Variants in LAMA4 observed in about 807,000 individuals in gnomAD.
LAMA4 encodes laminin subunit alpha 4, also known as laminin subunit alpha-4.
In LAMA4, 127 loss-of-function variants were observed where a neutral mutation model predicts 207.1. The observed-to-expected ratio is 0.61, with a 90% confidence interval of 0.53 to 0.71. The LOEUF (loss-of-function observed/expected upper bound fraction) is 0.71, where lower values mean the gene tolerates loss of function less well. Ranked by LOEUF, LAMA4 falls within the 30% of genes least tolerant of loss-of-function variation. The pLI is 0.00. For synonymous variants in LAMA4, 761 were observed against 816.0 expected, an observed-to-expected ratio of 0.93 and a Z score of 1.15; for missense variants, 2,093 against 2,246.5, an observed-to-expected ratio of 0.93 and a Z score of 1.38.
rs1554331456 is a variant in LAMA4, at chr6:112,136,159, T to A, written c.3378A>T (p.Leu1126Phe). The A allele has an allele frequency of 6.2e-7, 1 of 1,613,172 alleles. No homozygotes were observed. Among genetic ancestry groups the A allele is most frequent in the Admixed American group, 1.7e-5 (1 of 60,008 alleles). The change falls in exon 25 of 39, where the codon TTA becomes TTT. Residue 1126 changes from leucine (L) to phenylalanine (F), a missense_variant. Physicochemically the swap from Leu to Phe is conservative, Grantham distance 22 (BLOSUM62 0). Transcript: ENST00000230538. The stretch of plus-strand genomic sequence containing the variant: ...TTGCATCATTAATTTGAGCTTTCTT[T>A]AACGTATCTTCAAGATGCACAGGGC... ...SGGPVHLEDT[L>F]KKAQINDAKY...
At chr6:112,139,935 C>G in intron 22 of LAMA4, 50 bp from the exon 23 acceptor site, 1 of 1,575,820 alleles carries the variant, frequency 6.3e-7, no homozygotes, top group South Asian at 1.1e-5. Context: ...ATATTTTACT[C>G]AGACATCACA....
intron 5 of LAMA4, among the ~76,000 whole-genome samples, chr6:112,195,236 T>TA (rs202132834): frequency 1.2e-4 from 18 of 150,866 alleles, no homozygotes; most frequent in Middle Eastern, 3.2e-3. Context: ...TAAAATGACA[T>TA]AAAAAAAAAG....
chr6:112,121,390 T>G (rs587707632), intron 32 of LAMA4, among the ~76,000 whole-genome samples: 83 of 152,308 alleles, frequency 5.4e-4, no homozygotes, highest in Admixed American at 5.2e-4. Context: ...TTCTGCCTAT[T>G]AGGCAGGTAG....
chr6:112,117,319 T>G lies in LAMA4; in HGVS notation c.4981+420A>C, dbSNP rs587643885. Among the ~76,000 whole-genome samples the G allele has an allele frequency of 2.6e-5, 4 of 152,216 alleles. No individual in the cohort carries two copies. The highest frequency in any genetic ancestry group is 9.6e-5 in the African/African-American group (4 of 41,540). The stretch of plus-strand genomic sequence containing the variant: ...AATAATAAAAAGCCAGAAATAAAAA[T>G]TTCTGAAGGATAACGTTGTCTGCTG... On this transcript the variant is annotated intron_variant, in intron 35 of 38. Transcript: ENST00000230538. This position sits in a 1 kb window ranked among gnomAD's most constrained non-coding sequence, Gnocchi z 4.5.
At position 112,145,256 on chromosome 6, in the gene LAMA4, T is replaced by C. The variant is rs112286391; in HGVS notation, c.2354-323A>G. ...ATGTATAACTGCCCTGCCGATGCCA[T>C]GCACAGGATGCGTGCTCTTGCGCCC... On this transcript the variant is annotated intron_variant, in intron 18 of 38. Transcript: ENST00000230538. 0.018 allele frequency among the ~76,000 whole-genome samples: 2,788 copies of C among 152,336 alleles called. 101 individuals are homozygous for C. The highest frequency in any genetic ancestry group is 0.064 in the African/African-American group (2,681 of 41,572).
chr6:112,164,787 G>A (rs1379947493), intron 13 of LAMA4, among the ~76,000 whole-genome samples: 2 of 152,102 alleles, frequency 1.3e-5, no homozygotes, highest in Admixed American at 6.5e-5. Flanking sequence ...AGGATGGATC[G>A]AGAGCAGCAT....
In LAMA4 at chr6:112,150,837, A is replaced by G. The variant is rs116565503; in HGVS notation, c.2057-210T>C. Among the ~76,000 whole-genome samples, 975 of 152,320 alleles carry G rather than the reference A, an allele frequency of 6.4e-3. 11 individuals carry two copies. Among genetic ancestry groups the G allele is most frequent in the African/African-American group, 0.022 (921 of 41,578 alleles). ...CAGAACACTTGTAATACTGCTTGTG[A>G]GTGACTTAGGATGCCATCATGGTTA... is the stretch of plus-strand genomic sequence containing the variant. On this transcript the variant is annotated intron_variant, in intron 16 of 38. Coordinates refer to ENST00000230538, the MANE Select transcript of LAMA4 (RefSeq NM_001105206.3).
chr6:112,227,359 G>A (rs981516848), intron 2 of LAMA4, among the ~76,000 whole-genome samples: 5 of 152,046 alleles, frequency 3.3e-5, no homozygotes, highest in Admixed American at 1.3e-4. Context: ...GTGAACCACC[G>A]TGCCCCGCCT....
chr6:112,186,491 GAA>G (rs1313748918), intron 8 of LAMA4, among the ~76,000 whole-genome samples: 1 of 152,178 alleles, frequency 6.6e-6, no homozygotes, highest in Non-Finnish European at 1.5e-5. Context: ...TAGTGGGAAA[GAA>G]AACTTGTAAA....
chr6:112,178,269 T>C, intron 9 of LAMA4, 37 bp from the exon 10 acceptor site: 2 of 1,459,308 alleles, frequency 1.4e-6, no homozygotes, highest in Non-Finnish European at 1.9e-6. Context: ...ATTAAATGTA[T>C]GAGAAAAGAA....
chr6:112,239,321 C>CAAAAAAAA lies in LAMA4; in HGVS notation c.195+14627_195+14634dup, dbSNP rs1202967086. Among the ~76,000 whole-genome samples, 3 of 78,244 alleles carry CAAAAAAAA rather than the reference C, an allele frequency of 3.8e-5. 1 individual carries two copies. Among genetic ancestry groups the CAAAAAAAA allele is most frequent in the African/African-American group, 4.9e-5 (1 of 20,368 alleles). The allele number at this position is 78,244 out of a possible 152,430, so 51.3% of individuals were successfully genotyped here. ...CAGGTGACAGAGTGAGACTCCATCT[C>CAAAAAAAA]AAAAAAAAAAAAAAAAAAAAGAGAC... On this transcript the variant is annotated intron_variant, in intron 2 of 38. Transcript: ENST00000230538.
At chr6:112,224,268 T>C (rs1785080281) in intron 2 of LAMA4, among the ~76,000 whole-genome samples, 3 of 152,158 alleles carry the variant, frequency 2.0e-5, no homozygotes, top group South Asian at 4.1e-4. Flanking sequence ...CTCCCCTTTA[T>C]TATCCAAGAA....
rs1050696518 is a variant in LAMA4, at chr6:112,131,066, A to G, written c.3870T>C (p.Thr1290=). Residue 1290 remains threonine (T), a synonymous_variant, in exon 29 of 39, where the codon ACT becomes ACC. Coordinates refer to ENST00000230538, the MANE Select transcript of LAMA4 (RefSeq NM_001105206.3). The part of the protein sequence containing the change: ...DVFSISLDNG[T]VIMDVKGIKV... ...TGATTCCCTTTACATCCATGATGAC[A>G]GTACCATTATCCAGTGAGATGGAGA... The G allele has an allele frequency of 1.2e-6, 2 of 1,613,204 alleles. No homozygotes were observed. Among genetic ancestry groups the G allele is most frequent in the African/African-American group, 1.3e-5 (1 of 75,012 alleles).
intron 16 of LAMA4, among the ~76,000 whole-genome samples, chr6:112,151,141 CTT>C (rs1200108237): frequency 6.6e-6 from 1 of 152,068 alleles, no homozygotes; most frequent in African/African-American, 2.4e-5. Context: ...AAAATAGAAA[CTT>C]ATTACCACCT....
intron 36 of LAMA4, among the ~76,000 whole-genome samples, chr6:112,115,464 T>G (rs587760480): frequency 4.3e-4 from 66 of 152,278 alleles, no homozygotes; most frequent in African/African-American, 1.5e-3. Context: ...ATATGTATAG[T>G]ATATATACAT....
At chr6:112,135,513 T>G (rs1352574523) in intron 25 of LAMA4, among the ~76,000 whole-genome samples, 1 of 152,230 alleles carries the variant, frequency 6.6e-6, no homozygotes, top group Non-Finnish European at 1.5e-5. Flanking sequence ...CCTTCGCATT[T>G]TGGTTCAACT....
intron 3 of LAMA4, among the ~76,000 whole-genome samples, chr6:112,215,233 G>A (rs782413900): frequency 5.3e-5 from 8 of 152,152 alleles, no homozygotes; most frequent in Admixed American, 2.6e-4. Context: ...TTAAGAAGAT[G>A]GGGGAAGGGA....
At chr6:112,112,059 G>A (rs1554321757) in intron 38 of LAMA4, among the ~76,000 whole-genome samples, 1 of 152,164 alleles carries the variant, frequency 6.6e-6, no homozygotes, top group East Asian at 1.9e-4. Context: ...TCCATGCTGT[G>A]TGTTGGATAT....
At chr6:112,217,638 T>A (rs1225369730) in intron 2 of LAMA4, 6 of 152,112 alleles carry the variant, frequency 3.9e-5, no homozygotes, top group Admixed American at 6.6e-5. Flanking sequence ...CACACATCAG[T>A]TCACACTTTA....
Sources: gnomAD v4.1 joint callset for allele counts (sites outside exome capture counted in the v4.1 genomes callset) on GRCh38, gnomAD v4.1.1 for gene constraint, Gnocchi (gnomAD v3.1) non-coding constraint, MANE v1.5 for transcripts, NCBI Gene and HGNC (gene_info 2026-07-23, HGNC 2026-07-21) for gene names.